Variants in CDH12 observed in about 807,000 individuals in gnomAD.
CDH12 encodes cadherin 12, also known as cadherin-12.
In CDH12, 41 loss-of-function variants were observed where a neutral mutation model predicts 74.1. The observed-to-expected ratio is 0.55, with a 90% CI of 0.43 to 0.72. The LOEUF (loss-of-function observed/expected upper bound fraction) is 0.72, where lower values mean the gene tolerates loss of function less well. Among genes scored for constraint, CDH12 ranks in the 30% least tolerant of loss-of-function variants. CDH12 has a pLI of 0.00. For synonymous variants in CDH12, 399 were observed against 355.0 expected (o/e 1.12, Z -1.39); for missense variants, 945 against 977.2 (o/e 0.97, Z 0.44).
At chr5:22,530,681 T>C (rs1329485609) in intron 1 of CDH12, among the ~76,000 whole-genome samples, 3 of 152,072 alleles carry the variant, frequency 2.0e-5, no homozygotes, top group African/African-American at 7.2e-5. Context: ...CAGAGTTTTA[T>C]CATTGGTAAC....
intron 1 of CDH12, among the ~76,000 whole-genome samples, chr5:22,785,607 C>T (rs1191946058): frequency 6.6e-6 from 1 of 152,082 alleles, no homozygotes; most frequent in Non-Finnish European, 1.5e-5. Flanking sequence ...GCAGCCTTGC[C>T]TCCCAGGTTC....
At chr5:22,844,928 G>A (rs1254089450) in intron 1 of CDH12, among the ~76,000 whole-genome samples, 1 of 152,022 alleles carries the variant, frequency 6.6e-6, no homozygotes, top group Non-Finnish European at 1.5e-5. Flanking sequence ...GTTGAGTCCA[G>A]GTGTTAATAC....
intron 4 of CDH12, among the ~76,000 whole-genome samples, chr5:22,168,070 T>C (rs964736726): frequency 2.0e-5 from 3 of 152,136 alleles, no homozygotes; most frequent in African/African-American, 7.2e-5. Context: ...CTGAGGATTG[T>C]CAGAGAAAGG....
intron 5 of CDH12, among the ~76,000 whole-genome samples, chr5:21,992,160 A>T (rs1757782268): frequency 6.6e-6 from 1 of 152,000 alleles, no homozygotes; most frequent in African/African-American, 2.4e-5. Flanking sequence ...GGTTAATAGG[A>T]TTCCCAAGAA....
At chr5:22,845,756 T>G (rs1201411726) in intron 1 of CDH12, among the ~76,000 whole-genome samples, 2 of 152,048 alleles carry the variant, frequency 1.3e-5, no homozygotes, top group Non-Finnish European at 2.9e-5. Context: ...GAACTTGACG[T>G]AATGAGAAAG....
chr5:22,683,022 A>C (rs1304715288), intron 1 of CDH12, among the ~76,000 whole-genome samples: 1 of 152,060 alleles, frequency 6.6e-6, no homozygotes, highest in Non-Finnish European at 1.5e-5. Context: ...ACTGTAATGA[A>C]TTTTTTATTA....
intron 10 of CDH12, among the ~76,000 whole-genome samples, chr5:21,797,031 A>G (rs370879783): frequency 1.8e-4 from 27 of 152,282 alleles, no homozygotes; most frequent in African/African-American, 7.2e-5. Flanking sequence ...AGGCTAGAAA[A>G]GTGAAGAATA....
At chr5:22,114,951 C>A (rs60389840) in intron 4 of CDH12, among the ~76,000 whole-genome samples, 1 of 152,190 alleles carries the variant, frequency 6.6e-6, no homozygotes, top group South Asian at 2.1e-4. Flanking sequence ...TGAAGCATTA[C>A]TTGTTCATTG....
intron 3 of CDH12, among the ~76,000 whole-genome samples, chr5:22,242,369 C>A (rs1041784223): frequency 2.6e-5 from 4 of 151,872 alleles, no homozygotes; most frequent in Non-Finnish European, 2.9e-5. Flanking sequence ...TCGTTTTTTT[C>A]ATTTGAGACC....
intron 8 of CDH12, among the ~76,000 whole-genome samples, chr5:21,839,220 C>A (rs1219117612): frequency 6.6e-6 from 1 of 152,086 alleles, no homozygotes; most frequent in Non-Finnish European, 1.5e-5. Flanking sequence ...TGCATTATTT[C>A]TTTCTCCTTT....
At chr5:21,764,518 G>A (rs192324420) in intron 12 of CDH12, among the ~76,000 whole-genome samples, 13 of 151,630 alleles carry the variant, frequency 8.6e-5, no homozygotes, top group African/African-American at 2.9e-4. Context: ...GCATGGTGGC[G>A]CATGCCTATA....
chr5:22,685,004 A>G (rs1580885511), intron 1 of CDH12, among the ~76,000 whole-genome samples: 1 of 152,254 alleles, frequency 6.6e-6, no homozygotes, highest in East Asian at 1.9e-4. Context: ...GATAATAAAA[A>G]TAGTTTTTTG....
intron 1 of CDH12, among the ~76,000 whole-genome samples, chr5:22,519,287 C>T (rs1183035187): frequency 6.6e-6 from 1 of 152,118 alleles, no homozygotes; most frequent in African/African-American, 2.4e-5. Flanking sequence ...TCTTCACCAC[C>T]ATTTTTATTC....
chr5:22,347,397 C>T (rs1740163079), intron 3 of CDH12, among the ~76,000 whole-genome samples: 1 of 151,924 alleles, frequency 6.6e-6, no homozygotes, highest in Non-Finnish European at 1.5e-5. Context: ...CATCGGACTC[C>T]AAATTCTTCA....
chr5:22,388,519 C>T (rs368214215), intron 3 of CDH12, among the ~76,000 whole-genome samples: 1 of 151,864 alleles, frequency 6.6e-6, no homozygotes, highest in Non-Finnish European at 1.5e-5. Context: ...AATAAGATCA[C>T]AAAATTCAAG....
At chr5:22,028,867 C>A (rs1253040508) in intron 5 of CDH12, among the ~76,000 whole-genome samples, 1 of 152,136 alleles carries the variant, frequency 6.6e-6, no homozygotes, top group Non-Finnish European at 1.5e-5. Context: ...AACTATACTA[C>A]AAGGCTACAG....
chr5:22,744,520 A>C lies in CDH12; in HGVS notation c.-523+108538T>G, dbSNP rs193154375. Among the ~76,000 whole-genome samples the C allele has an allele frequency of 1.4e-3, 220 of 152,300 alleles. 2 individuals are homozygous for C. The Middle Eastern group carries it at 0.024, about 16-fold the overall frequency. ...ATCTCATTGATAATGAAAAGTTTAT[A>C]TTTTACATTATTTATTTTACAAATA... On this transcript the variant is annotated intron_variant, in intron 1 of 14. Transcript: ENST00000382254.
intron 3 of CDH12, among the ~76,000 whole-genome samples, chr5:22,240,996 G>A (rs1752731546): frequency 6.6e-6 from 1 of 152,092 alleles, no homozygotes; most frequent in South Asian, 2.1e-4. Flanking sequence ...AAGAATGGAG[G>A]AGAGGAACAG....
intron 2 of CDH12, among the ~76,000 whole-genome samples, chr5:22,462,681 A>G (rs1745569358): frequency 6.6e-6 from 1 of 152,202 alleles, no homozygotes; most frequent in Non-Finnish European, 1.5e-5. Flanking sequence ...CAGAATTAAA[A>G]ACAAATTCTG....
Sources: gnomAD v4.1 joint callset for allele counts (sites outside exome capture counted in the v4.1 genomes callset) on GRCh38, gnomAD v4.1.1 for gene constraint, MANE v1.5 for transcripts, NCBI Gene and HGNC (gene_info 2026-07-23, HGNC 2026-07-21) for gene names.